HSPA9: variants seen among roughly 807,000 people sequenced by gnomAD.
HSPA9 encodes stress-70 protein, mitochondrial.
HSPA9 carries 28 observed loss-of-function variants against 81.5 expected under a neutral mutation model. The ratio of observed to expected loss-of-function variants is 0.34; its 90% CI spans 0.25 to 0.47. The LOEUF is 0.47. Ranked by LOEUF, HSPA9 falls within the 20% of genes least tolerant of loss-of-function variation. The probability of loss-of-function intolerance (pLI) is 1.00; values close to 1 mark genes in which losing one functional copy is unlikely to be tolerated. For missense variants in HSPA9, 678 were observed against 838.0 expected (o/e 0.81, Z 2.36); for synonymous variants, 293 against 290.4 (o/e 1.01, Z -0.09).
intron 1 of HSPA9, chr5:138,574,843 C>G (rs1751048974): frequency 4.9e-6 from 1 of 205,892 alleles, no homozygotes; most frequent in African/African-American, 2.3e-5. Flanking sequence ...TATTTTATTT[C>G]ACCGTATCAA....
In HSPA9 at chr5:138,564,140, G is replaced by A. The variant is rs575072388; in HGVS notation, c.973-2351C>T. On this transcript the variant is annotated intron_variant, in intron 9 of 16. Coordinates refer to ENST00000297185, the MANE Select transcript of HSPA9 (RefSeq NM_004134.7). ...ATTTTTTGAGACAGAGTCTCATTCA[G>A]TCACCCAGACTGGACTGCAGTGGTG... Among the ~76,000 whole-genome samples, 5 of 152,194 alleles carry A rather than the reference G, an allele frequency of 3.3e-5. No individual in the cohort carries two copies. In the South Asian group the frequency reaches 1.0e-3, roughly 32 times the overall value.
rs751478142 is a variant in HSPA9, at chr5:138,570,994, G to A, written c.376C>T (p.Arg126Trp). The A allele has an allele frequency of 1.2e-5, 20 of 1,613,914 alleles. No homozygotes were observed. Among genetic ancestry groups the A allele is most frequent in the Admixed American group, 1.2e-4 (7 of 59,984 alleles). The change falls in exon 4 of 17, where the codon CGG becomes TGG. Residue 126 changes from arginine (R) to tryptophan (W), a missense_variant. Arg to Trp is a moderately radical substitution (Grantham distance 101). Coordinates refer to ENST00000297185, the MANE Select transcript of HSPA9 (RefSeq NM_004134.7). ...TFYATKRLIGRRYDDPEVQKD... is the reference protein window; with the variant it reads ...TFYATKRLIGWRYDDPEVQKD... ...TGTACTTCAGGATCATCATATCGCC[G>A]GCCAATGAGACGCTTGGTAGCATAA...
chr5:138,566,400 T>C (rs1750763323), intron 9 of HSPA9, among the ~76,000 whole-genome samples: 2 of 152,070 alleles, frequency 1.3e-5, no homozygotes, highest in Non-Finnish European at 2.9e-5. Flanking sequence ...TTAGCTCCAG[T>C]ATATGTAACT....
At chr5:138,571,769 A>G (rs985550444) in intron 3 of HSPA9, among the ~76,000 whole-genome samples, 2 of 148,116 alleles carry the variant, frequency 1.4e-5, no homozygotes, top group Non-Finnish European at 3.0e-5. Context: ...CAGCCTCCTG[A>G]GTAGCTGGGA....
At chr5:138,572,588 A>C (rs769971451) in intron 3 of HSPA9, among the ~76,000 whole-genome samples, 5 of 152,300 alleles carry the variant, frequency 3.3e-5, no homozygotes, top group Middle Eastern at 3.4e-3. Flanking sequence ...GTTCTTAGCA[A>C]GATTTAGAAC....
At position 138,567,717 on chromosome 5, in the gene HSPA9, A is replaced by G. The variant is rs762214761; in HGVS notation, c.541T>C (p.Tyr181His). 3 of 1,611,434 alleles carry G rather than the reference A, an allele frequency of 1.9e-6. No homozygotes were observed. The highest frequency in any genetic ancestry group is 1.1e-5 in the South Asian group (1 of 90,946). ...LMKMKETAENYLGHTAKNAVI... is the reference protein window; with the variant it reads ...LMKMKETAENHLGHTAKNAVI... ...GCATTTTTTGCTGTGTGCCCCAAGT[A>G]ATTTTCTGGAAAAGAATGAAATTCA... Residue 181 changes from tyrosine to histidine, a missense_variant, in exon 6 of 17, where the codon TAC (tyrosine) becomes CAC (histidine). This residue lies in a region of HSPA9 where 484 missense variants were observed against 647.5 expected (regional missense o/e 0.75). Transcript: ENST00000297185.
rs761912672 is a variant in HSPA9, at chr5:138,557,512, G to C, written c.1634-16C>G. 6.7e-7 allele frequency: 1 copy of C among 1,483,902 alleles called. No individual in the cohort carries two copies. The highest frequency in any genetic ancestry group is 9.4e-7 in the Non-Finnish European group (1 of 1,063,840). The allele number at this position is 1,483,902 out of a possible 1,614,324, so 91.9% of individuals were successfully genotyped here. On this transcript the variant is annotated splice_polypyrimidine_tract_variant and intron_variant, in intron 13 of 16. Coordinates refer to ENST00000297185, the MANE Select transcript of HSPA9 (RefSeq NM_004134.7). Reference sequence around the variant, plus strand: ...TGGATTACAACTGTAGTAAACAGAAGGCATTTCATTAATTCCCAGGTAAAG... The same window carrying C: ...TGGATTACAACTGTAGTAAACAGAACGCATTTCATTAATTCCCAGGTAAAG...
At chr5:138,564,414 T>C (rs1353864458) in intron 9 of HSPA9, among the ~76,000 whole-genome samples, 1 of 152,206 alleles carries the variant, frequency 6.6e-6, no homozygotes, top group African/African-American at 2.4e-5. Context: ...CCTTCTTAGA[T>C]TGCTTTTAAG....
At chr5:138,570,820 G>C (rs1439523930) in intron 4 of HSPA9, 140 bp downstream of exon 4, 1 of 811,486 alleles carries the variant, frequency 1.2e-6, no homozygotes, top group Non-Finnish European at 2.1e-6. Flanking sequence ...CCTTTTGGCA[G>C]TGGTACAGAT....
intron 7 of HSPA9, 115 bp downstream of exon 7, chr5:138,567,340 A>G (rs1172363617): frequency 9.5e-7 from 1 of 1,055,722 alleles, no homozygotes; most frequent in African/African-American, 1.6e-5. Context: ...ATGAAAAAAC[A>G]AAGACAATAC....
At position 138,561,612 on chromosome 5, in the gene HSPA9, T is replaced by A. The variant is rs752706346; in HGVS notation, c.1150A>T (p.Ile384Phe). 54 of 1,613,644 alleles carry A rather than the reference T, an allele frequency of 3.3e-5. No homozygotes were observed. The highest frequency in any genetic ancestry group is 4.4e-5 in the Non-Finnish European group (52 of 1,180,016). ...EVSKSDIGEV[I>F]LVGGMTRMPK... ...ATCCTAGTCATGCCACCCACAAGAATCACTTCTCCTATGTCACTCTTGCTG... is the reference window on the plus strand; with the variant it reads ...ATCCTAGTCATGCCACCCACAAGAAACACTTCTCCTATGTCACTCTTGCTG... Residue 384 changes from isoleucine to phenylalanine, a missense_variant, in exon 10 of 17, where the codon ATT (isoleucine) becomes TTT (phenylalanine). Ile to Phe is a conservative substitution (Grantham distance 21, BLOSUM62 0). Transcript: ENST00000297185.
intron 8 of HSPA9, 119 bp downstream of exon 8, chr5:138,566,882 G>C (rs1394465579): frequency 1.7e-6 from 2 of 1,194,488 alleles, no homozygotes; most frequent in African/African-American, 3.0e-5. Context: ...ATTCTGAAAA[G>C]AGTATCTGTG....
chr5:138,557,395 T>A lies in HSPA9; in HGVS notation c.1728+7A>T. ...AGATTAAAGTTCAGAAGACAAGAAG[T>A]AATCACCTTCTTTCGCCGGTCTTCT... On this transcript the variant is annotated splice_region_variant and intron_variant, in intron 14 of 16. Coordinates refer to ENST00000297185, the MANE Select transcript of HSPA9 (RefSeq NM_004134.7). 6.4e-7 allele frequency: 1 copy of A among 1,571,276 alleles called. No individual in the cohort carries two copies. Among genetic ancestry groups the A allele is most frequent in the Non-Finnish European group, 8.8e-7 (1 of 1,142,120 alleles).
At chr5:138,560,961 T>C (rs560117120) in intron 10 of HSPA9, 28 of 400,964 alleles carry the variant, frequency 7.0e-5, no homozygotes, top group Non-Finnish European at 9.1e-5. Flanking sequence ...ATGGAAAAAT[T>C]AAGAAAAAAA....
chr5:138,561,346 T>G (rs1408645915), intron 10 of HSPA9, among the ~76,000 whole-genome samples: 1 of 152,206 alleles, frequency 6.6e-6, no homozygotes, highest in East Asian at 1.9e-4. Context: ...TAGACTCATG[T>G]GATCTGCCCG....
chr5:138,571,489 C>T (rs1295511288), intron 3 of HSPA9, among the ~76,000 whole-genome samples: 1 of 151,964 alleles, frequency 6.6e-6, no homozygotes, highest in Non-Finnish European at 1.5e-5. Flanking sequence ...CAGCCTATTA[C>T]TGGTATGTTT....
intron 14 of HSPA9, chr5:138,557,151 T>A: frequency 1.7e-6 from 1 of 604,538 alleles, no homozygotes; most frequent in East Asian, 2.8e-5. Context: ...TTAGGTTTTC[T>A]CTTACCCACA....
intron 4 of HSPA9, among the ~76,000 whole-genome samples, chr5:138,570,364 A>G (rs1750852965): frequency 6.6e-6 from 1 of 152,232 alleles, no homozygotes; most frequent in Non-Finnish European, 1.5e-5. Flanking sequence ...CTGGATCAAC[A>G]CATGATAGAA....
intron 9 of HSPA9, among the ~76,000 whole-genome samples, chr5:138,565,195 C>A (rs752288167): frequency 6.6e-6 from 1 of 152,202 alleles, no homozygotes; most frequent in Non-Finnish European, 1.5e-5. Context: ...TCCAACACCT[C>A]GCATCCCCTA....
Sources: gnomAD v4.1 joint callset for allele counts (sites outside exome capture counted in the v4.1 genomes callset) on GRCh38, gnomAD v4.1.1 for gene constraint, gnomAD v4.1.1 regional missense constraint, MANE v1.5 for transcripts, NCBI Gene and HGNC (gene_info 2026-07-23, HGNC 2026-07-21) for gene names.